TRIO: variants seen among roughly 807,000 people sequenced by gnomAD.
The protein encoded by TRIO is triple functional domain protein.
Under a neutral mutation model 351.9 loss-of-function variants are expected in TRIO, and 58 were observed. The ratio of observed to expected loss-of-function variants is 0.16; its 90% CI spans 0.13 to 0.21. TRIO has a LOEUF of 0.21. Ranked by LOEUF, TRIO falls within the 10% of genes least tolerant of loss-of-function variation. The pLI is 1.00. For missense variants in TRIO, 3,201 were observed against 4,027.8 expected (o/e 0.79, Z 5.56); for synonymous variants, 1,758 against 1,595.7 (o/e 1.10, Z -2.42).
chr5:14,475,697 A>G (rs771279353), intron 40 of TRIO, among the ~76,000 whole-genome samples: 3 of 152,224 alleles, frequency 2.0e-5, no homozygotes, highest in South Asian at 2.1e-4. Context: ...AACCAATTCA[A>G]AAAGGGATAT....
chr5:14,204,675 A>G (rs999405382), intron 1 of TRIO, among the ~76,000 whole-genome samples: 1 of 152,218 alleles, frequency 6.6e-6, no homozygotes, highest in Non-Finnish European at 1.5e-5. Flanking sequence ...TCTCTCATTA[A>G]AATGCTATTC....
intron 9 of TRIO, among the ~76,000 whole-genome samples, chr5:14,325,822 C>G (rs887890254): frequency 2.0e-5 from 3 of 152,216 alleles, no homozygotes; most frequent in African/African-American, 7.2e-5. Context: ...TGCCAGAACT[C>G]TGCAGCGGGA....
chr5:14,146,239 A>G (rs1405289214), intron 1 of TRIO, among the ~76,000 whole-genome samples: 1 of 152,168 alleles, frequency 6.6e-6, no homozygotes, highest in Admixed American at 6.5e-5. Flanking sequence ...GCTGAGGAGA[A>G]TGGAGCAGTC....
intron 26 of TRIO, among the ~76,000 whole-genome samples, chr5:14,390,693 C>T (rs367898277): frequency 3.3e-5 from 5 of 152,120 alleles, no homozygotes; most frequent in African/African-American, 1.2e-4. Context: ...TGGTGCTCAG[C>T]CCGACGTGTC....
intron 34 of TRIO, among the ~76,000 whole-genome samples, chr5:14,436,711 C>T (rs1400308030): frequency 6.6e-6 from 1 of 152,188 alleles, no homozygotes; most frequent in Non-Finnish European, 1.5e-5. Context: ...CTACAGACCC[C>T]ATGCAAGTCT....
At chr5:14,257,357 A>G (rs1157742221) in intron 1 of TRIO, among the ~76,000 whole-genome samples, 1 of 152,232 alleles carries the variant, frequency 6.6e-6, no homozygotes, top group East Asian at 1.9e-4. Flanking sequence ...AAGTAACAAG[A>G]TGCAGAAAGA....
intron 27 of TRIO, 78 bp downstream of exon 27, chr5:14,391,068 C>T: frequency 9.2e-7 from 1 of 1,092,226 alleles, no homozygotes; most frequent in Non-Finnish European, 1.3e-6. Flanking sequence ...TAACTTTCAC[C>T]TAATTGATAG....
At chr5:14,327,764 C>T (rs892020089) in intron 9 of TRIO, among the ~76,000 whole-genome samples, 3 of 152,174 alleles carry the variant, frequency 2.0e-5, no homozygotes, top group South Asian at 4.1e-4. Flanking sequence ...TCTTTTCAAG[C>T]TAGAAATATT....
intron 7 of TRIO, among the ~76,000 whole-genome samples, chr5:14,301,754 C>G (rs370321488): frequency 3.3e-5 from 5 of 152,272 alleles, no homozygotes; most frequent in Middle Eastern, 3.4e-3. Context: ...CACCCTGTTC[C>G]CTGTTCCATG....
At position 14,406,834 on chromosome 5, in the gene TRIO, G is replaced by A. The variant is rs574754241; in HGVS notation, c.4959+162G>A. The stretch of plus-strand genomic sequence containing the variant: ...ATCCCGTGGTGGGGCAGAGACTTGG[G>A]GGATTGGGGTGAGAAGACCTGAACC... On this transcript the variant is annotated intron_variant, in intron 33 of 56. Transcript: ENST00000344204. 5.9e-5 allele frequency among the ~76,000 whole-genome samples: 9 copies of A among 152,156 alleles called. No individual in the cohort carries two copies. The South Asian group carries it at 1.2e-3, about 21-fold the overall frequency.
At chr5:14,180,185 G>C (rs1789683971) in intron 1 of TRIO, among the ~76,000 whole-genome samples, 1 of 150,354 alleles carries the variant, frequency 6.7e-6, no homozygotes, top group Non-Finnish European at 1.5e-5. Flanking sequence ...TAGTTTTCTG[G>C]CACAACCTCT....
intron 23 of TRIO, among the ~76,000 whole-genome samples, chr5:14,388,139 G>A (rs752382298): frequency 2.8e-4 from 43 of 152,280 alleles, no homozygotes; most frequent in Non-Finnish European, 4.3e-4. Flanking sequence ...TTTTTATCAC[G>A]CCTAAAACAA....
chr5:14,407,999 A>G (rs1748871037), intron 33 of TRIO, among the ~76,000 whole-genome samples: 1 of 152,250 alleles, frequency 6.6e-6, no homozygotes, highest in East Asian at 1.9e-4. Context: ...AATGCAAGTC[A>G]GACCTCATTT....
intron 34 of TRIO, among the ~76,000 whole-genome samples, chr5:14,450,712 G>C (rs1464946288): frequency 6.6e-6 from 1 of 152,170 alleles, no homozygotes; most frequent in African/African-American, 2.4e-5. Context: ...CCATTCTCCA[G>C]ACTCACGCTC....
At chr5:14,316,830 C>T in intron 9 of TRIO, 87 bp downstream of exon 9, 1 of 1,386,870 alleles carries the variant, frequency 7.2e-7, no homozygotes, top group Non-Finnish European at 9.9e-7. Flanking sequence ...AAGATCTGTG[C>T]TTAAGGAGTG....
At chr5:14,289,113 C>T (rs899239475) in intron 4 of TRIO, among the ~76,000 whole-genome samples, 8 of 151,958 alleles carry the variant, frequency 5.3e-5, no homozygotes, top group Non-Finnish European at 7.4e-5. Flanking sequence ...TGTGGCCGGG[C>T]GCGGTGGCTC....
At chr5:14,153,601 C>G (rs1396472356) in intron 1 of TRIO, among the ~76,000 whole-genome samples, 1 of 152,130 alleles carries the variant, frequency 6.6e-6, no homozygotes, top group Non-Finnish European at 1.5e-5. Context: ...AAGCAGCTCC[C>G]CCTCCTTCAG....
At chr5:14,484,765 TC>T (rs1458205718) in intron 46 of TRIO, among the ~76,000 whole-genome samples, 1 of 152,050 alleles carries the variant, frequency 6.6e-6, no homozygotes, top group Non-Finnish European at 1.5e-5. Context: ...ACTCCCCACT[TC>T]CCCACCCCCA....
chr5:14,448,827 G>A (rs141051505), intron 34 of TRIO, among the ~76,000 whole-genome samples: 3 of 152,142 alleles, frequency 2.0e-5, no homozygotes, highest in Non-Finnish European at 2.9e-5. Flanking sequence ...TCAGGAATGA[G>A]TCCAAGTCCC....
Sources: gnomAD v4.1 joint callset for allele counts (sites outside exome capture counted in the v4.1 genomes callset) on GRCh38, gnomAD v4.1.1 for gene constraint, MANE v1.5 for transcripts, NCBI Gene and HGNC (gene_info 2026-07-23, HGNC 2026-07-21) for gene names.